The following RAB40C variants were observed in gnomAD, a reference collection of about 807,000 sequenced individuals.
The protein encoded by RAB40C is RAB40C, member RAS oncogene family.
Under a neutral mutation model 28.1 loss-of-function variants are expected in RAB40C, and 8 were observed. That is an observed-to-expected ratio of 0.28 (90% confidence interval 0.17 to 0.51). RAB40C has a LOEUF of 0.51. Among genes scored for constraint, RAB40C ranks in the 20% least tolerant of loss-of-function variants. The pLI, the probability that RAB40C is intolerant of heterozygous loss-of-function variation, is 0.97. For synonymous variants in RAB40C, 201 were observed against 171.7 expected (o/e 1.17, Z -1.34); for missense variants, 288 against 405.9 (o/e 0.71, Z 2.50).
intron 3 of RAB40C, among the ~76,000 whole-genome samples, chr16:621,493 C>T (rs1001497605): frequency 6.6e-6 from 1 of 152,272 alleles, no homozygotes; most frequent in East Asian, 1.9e-4. Context: ...GGCCACTCCC[C>T]GCTGCCGTCA....
At chr16:598,740 C>A (rs1026130035) in intron 1 of RAB40C, among the ~76,000 whole-genome samples, 1 of 151,452 alleles carries the variant, frequency 6.6e-6, no homozygotes, top group Non-Finnish European at 1.5e-5. Context: ...GACCCTGTCT[C>A]AAAAAATAAA....
intron 1 of RAB40C, among the ~76,000 whole-genome samples, chr16:596,871 G>A (rs922188438): frequency 2.0e-5 from 3 of 152,178 alleles, no homozygotes; most frequent in Non-Finnish European, 2.9e-5. Flanking sequence ...GTAGCGAGGA[G>A]GCTTCTGAGC....
chr16:607,883 C>T lies in RAB40C; in HGVS notation c.143-9325C>T, dbSNP rs149515018. Among the ~76,000 whole-genome samples, 215 of 152,240 alleles carry T rather than the reference C, an allele frequency of 1.4e-3. 3 individuals carry two copies. Among genetic ancestry groups the T allele is most frequent in the African/African-American group, 5.0e-3 (208 of 41,544 alleles). On this transcript the variant is annotated intron_variant, in intron 1 of 5. Coordinates refer to ENST00000248139, the MANE Select transcript of RAB40C (RefSeq NM_021168.5). Reference sequence around the variant, plus strand: ...ACGAAGTCGCACCTAGTAAAGCAAACGCCTCAGTGACATTTTCAGACCCCT... The same window carrying T: ...ACGAAGTCGCACCTAGTAAAGCAAATGCCTCAGTGACATTTTCAGACCCCT...
At chr16:599,481 G>A (rs934457276) in intron 1 of RAB40C, among the ~76,000 whole-genome samples, 16 of 152,258 alleles carry the variant, frequency 1.1e-4, no homozygotes, top group African/African-American at 3.4e-4. Flanking sequence ...TGCCTCCTCC[G>A]TGTGCGCTGC....
intron 1 of RAB40C, among the ~76,000 whole-genome samples, chr16:595,534 C>T (rs975319623): frequency 1.3e-5 from 2 of 152,168 alleles, no homozygotes; most frequent in African/African-American, 2.4e-5. Flanking sequence ...CGGGATGACC[C>T]TGGCTGGCAT....
In RAB40C at chr16:610,603, A is replaced by G. The variant is rs2036463038; in HGVS notation, c.143-6605A>G. ...AGAGAATATGTCACAGCTGATGCCT[A>G]GGGACCCCCTTATGGGGTAGTGTTG... On this transcript the variant is annotated intron_variant, in intron 1 of 5. Coordinates refer to ENST00000248139, the MANE Select transcript of RAB40C (RefSeq NM_021168.5). The surrounding 1 kb of genome is among the most constrained non-coding windows in gnomAD (Gnocchi z 4.6). Among the ~76,000 whole-genome samples, 1 of 152,142 alleles carries G rather than the reference A, an allele frequency of 6.6e-6. No individual in the cohort carries two copies. The highest frequency in any genetic ancestry group is 6.5e-5 in the Admixed American group (1 of 15,274).
chr16:592,565 T>C (rs1267683380), intron 1 of RAB40C, among the ~76,000 whole-genome samples: 2 of 152,236 alleles, frequency 1.3e-5, no homozygotes, highest in African/African-American at 2.4e-5. Flanking sequence ...TGACAGTGAC[T>C]GCCCCAGAAT....
intron 3 of RAB40C, chr16:625,086 G>A: frequency 7.7e-7 from 1 of 1,293,566 alleles, no homozygotes; most frequent in Non-Finnish European, 1.0e-6. Flanking sequence ...TGGCCGAGAG[G>A]ACACTTAGCT....
At chr16:605,026 C>G (rs558252211) in intron 1 of RAB40C, among the ~76,000 whole-genome samples, 1 of 152,250 alleles carries the variant, frequency 6.6e-6, no homozygotes, top group East Asian at 1.9e-4. Context: ...CCACTGCACT[C>G]CAGCCTGGGC....
At chr16:620,970 G>T (rs1240288112) in intron 3 of RAB40C, among the ~76,000 whole-genome samples, 2 of 152,240 alleles carry the variant, frequency 1.3e-5, no homozygotes, top group Non-Finnish European at 2.9e-5. Flanking sequence ...CTCTGCATTT[G>T]CCAGGCTGAG....
At chr16:623,274 T>C (rs1257508742) in intron 3 of RAB40C, among the ~76,000 whole-genome samples, 1 of 152,222 alleles carries the variant, frequency 6.6e-6, no homozygotes, top group Non-Finnish European at 1.5e-5. Flanking sequence ...AAGTTACCCC[T>C]CTCCAGCCTT....
At chr16:596,452 C>G in intron 1 of RAB40C, 2 of 382,042 alleles carry the variant, frequency 5.2e-6, no homozygotes, top group Non-Finnish European at 1.1e-5. Flanking sequence ...GCACATGGTA[C>G]GATGCCACCC....
rs1249976563 is a variant in RAB40C, at chr16:629,191, C to T, written c.*1569C>T. The T allele has an allele frequency of 4.7e-5, 11 of 234,592 alleles. No individual in the cohort carries two copies. The East Asian group carries it at 8.9e-4, about 19-fold the overall frequency. The allele number at this position is 234,592 out of a possible 1,614,324, so 14.5% of individuals were successfully genotyped here. On this transcript the variant is annotated 3_prime_UTR_variant, in exon 6 of 6. Transcript: ENST00000248139. The stretch of plus-strand genomic sequence containing the variant: ...GCATTCACGGCATCAACACTACCCG[C>T]GCTGCTGTTAGACACTCCGCCATTC...
At chr16:602,732 C>T (rs542196806) in intron 1 of RAB40C, among the ~76,000 whole-genome samples, 1 of 152,248 alleles carries the variant, frequency 6.6e-6, no homozygotes, top group South Asian at 2.1e-4. Context: ...TGTGCCTGGC[C>T]AATAAATTAT....
At chr16:603,810 G>A (rs759231630) in intron 1 of RAB40C, among the ~76,000 whole-genome samples, 23 of 151,956 alleles carry the variant, frequency 1.5e-4, no homozygotes, top group Non-Finnish European at 2.5e-4. Flanking sequence ...TCCATCACAT[G>A]GGCTGCTTTT....
At chr16:621,002 TATC>T (rs1355352236) in intron 3 of RAB40C, among the ~76,000 whole-genome samples, 1 of 152,276 alleles carries the variant, frequency 6.6e-6, no homozygotes, top group African/African-American at 2.4e-5. Flanking sequence ...CAAGCTCTGT[TATC>T]ATCTCCGTGT....
At position 618,975 on chromosome 16, in the gene RAB40C, T is replaced by G. The variant is rs60781812; in HGVS notation, c.264+715T>G. On this transcript the variant is annotated intron_variant, in intron 3 of 5. Transcript: ENST00000248139. ...CTCAGGGCCATGTGTGTGCAGGCAT[T>G]TGCACAGGTCTGGCGGACGCACTGG... Among the ~76,000 whole-genome samples the G allele has an allele frequency of 7.7e-4, 69 of 90,076 alleles. 1 individual carries two copies. Among genetic ancestry groups the G allele is most frequent in the African/African-American group, 1.2e-3 (22 of 18,912 alleles). 59.1% of individuals were successfully genotyped at this position (90,076 alleles called of 152,430 possible).
upstream of RAB40C, chr16:589,977 G>A (rs1306874139): frequency 2.6e-5 from 4 of 151,698 alleles, no homozygotes; most frequent in Non-Finnish European, 4.4e-5. Context: ...CGTGAGGGCG[G>A]GGAAGTCGTG....
chr16:627,659 G>C lies in RAB40C; in HGVS notation c.*37G>C, dbSNP rs774909313. The C allele has an allele frequency of 1.9e-6, 3 of 1,538,970 alleles. No homozygotes were observed. Among genetic ancestry groups the C allele is most frequent in the Non-Finnish European group, 2.6e-6 (3 of 1,141,568 alleles). ...GGGGCCGCCTGTGCAGATGCCAGGAGGGCTCGAGCTGGACACTCCTGGCTG... is the reference window on the plus strand; with the variant it reads ...GGGGCCGCCTGTGCAGATGCCAGGACGGCTCGAGCTGGACACTCCTGGCTG... On this transcript the variant is annotated 3_prime_UTR_variant, in exon 6 of 6. Coordinates refer to ENST00000248139, the MANE Select transcript of RAB40C (RefSeq NM_021168.5).
Sources: allele counts gnomAD v4.1 joint callset (sites outside exome capture counted in the v4.1 genomes callset), GRCh38; gene constraint gnomAD v4.1.1; non-coding constraint Gnocchi (gnomAD v3.1); transcripts MANE v1.5; gene names NCBI Gene and HGNC (gene_info 2026-07-23, HGNC 2026-07-21).